The following CCSER1 variants were observed in gnomAD, a reference collection of about 807,000 sequenced individuals.
CCSER1 encodes coiled-coil serine rich protein 1.
Under a neutral mutation model 82.0 loss-of-function variants are expected in CCSER1, and 41 were observed. The observed-to-expected ratio is 0.50, with a 90% confidence interval of 0.39 to 0.65. CCSER1 has a LOEUF of 0.65. Ranked by LOEUF, CCSER1 falls within the 30% of genes least tolerant of loss-of-function variation. The pLI is 0.00. For missense variants in CCSER1, 1,119 were observed against 1,064.2 expected, an observed-to-expected ratio of 1.05 and a Z score of -0.72; for synonymous variants, 414 against 383.9, an observed-to-expected ratio of 1.08 and a Z score of -0.92.
At chr4:91,441,209 C>T (rs937786051) in intron 10 of CCSER1, among the ~76,000 whole-genome samples, 4 of 151,822 alleles carry the variant, frequency 2.6e-5, no homozygotes, top group African/African-American at 9.7e-5. Flanking sequence ...AACATTGATA[C>T]AAAAATCCTC....
chr4:90,188,675 C>T (rs903922371), intron 1 of CCSER1, among the ~76,000 whole-genome samples: 1 of 151,798 alleles, frequency 6.6e-6, no homozygotes, highest in South Asian at 2.1e-4. Flanking sequence ...TGAGAAATGC[C>T]ATGTGACTTA....
At position 90,309,253 on chromosome 4, in the gene CCSER1, A is replaced by G. The variant is rs543842455; in HGVS notation, c.969A>G (p.Lys323=). ...TVPCAIMSPG[K]YRLEGQCSTE... The stretch of plus-strand genomic sequence containing the variant: ...CCTGTGCAATTATGTCTCCTGGGAA[A>G]TATAGGTTAGAGGGTCAATGTAGCA... The change falls in exon 2 of 11, where the codon AAA becomes AAG. Residue 323 remains lysine, a synonymous_variant. Coordinates refer to ENST00000509176, the MANE Select transcript of CCSER1 (RefSeq NM_001145065.2). 6 of 1,613,918 alleles carry G rather than the reference A, an allele frequency of 3.7e-6. No individual in the cohort carries two copies. In the South Asian group the frequency reaches 6.6e-5, roughly 18 times the overall value.
chr4:90,483,624 A>T (rs531626020), intron 5 of CCSER1, among the ~76,000 whole-genome samples: 19 of 152,128 alleles, frequency 1.2e-4, no homozygotes, highest in Admixed American at 1.2e-3. Context: ...TTTCTCCTTC[A>T]CTTATGAAGC....
At chr4:90,256,620 T>A (rs1301472649) in intron 1 of CCSER1, among the ~76,000 whole-genome samples, 1 of 152,100 alleles carries the variant, frequency 6.6e-6, no homozygotes, top group Non-Finnish European at 1.5e-5. Flanking sequence ...TACATTAAGG[T>A]TGAGAAACTC....
chr4:91,030,703 A>T (rs1424436312), intron 9 of CCSER1, among the ~76,000 whole-genome samples: 1 of 152,112 alleles, frequency 6.6e-6, no homozygotes, highest in Admixed American at 6.6e-5. Context: ...ACAATGCAAA[A>T]ATGTATATAG....
At chr4:90,597,038 A>T in intron 5 of CCSER1, among the ~76,000 whole-genome samples, 1 of 152,008 alleles carries the variant, frequency 6.6e-6, no homozygotes, top group East Asian at 1.9e-4. Context: ...GTTAGTGCTA[A>T]TTCAATCTAT....
At chr4:91,313,170 A>AT (rs1745605672) in intron 10 of CCSER1, among the ~76,000 whole-genome samples, 1 of 151,980 alleles carries the variant, frequency 6.6e-6, no homozygotes, top group African/African-American at 2.4e-5. Flanking sequence ...TTCATAAGAC[A>AT]TTAAGTACTT....
chr4:90,335,630 A>T (rs1246346516), intron 3 of CCSER1, among the ~76,000 whole-genome samples: 1 of 152,138 alleles, frequency 6.6e-6, no homozygotes, highest in East Asian at 1.9e-4. Flanking sequence ...ATTGTCAGGG[A>T]TGGAAAATTT....
intron 10 of CCSER1, among the ~76,000 whole-genome samples, chr4:91,424,001 CTTT>C (rs1167472932): frequency 5.6e-3 from 436 of 77,416 alleles, no homozygotes; most frequent in African/African-American, 0.022. Context: ...CTCAGCAGAT[CTTT>C]TTTTTTTTTT....
At chr4:91,211,487 T>G (rs1184211388) in intron 10 of CCSER1, among the ~76,000 whole-genome samples, 1 of 152,086 alleles carries the variant, frequency 6.6e-6, no homozygotes, top group Non-Finnish European at 1.5e-5. Context: ...ACTGCAAAAG[T>G]GTTCTGAAAA....
intron 4 of CCSER1, among the ~76,000 whole-genome samples, chr4:90,452,227 G>A (rs1316418666): frequency 6.6e-6 from 1 of 152,092 alleles, no homozygotes; most frequent in Non-Finnish European, 1.5e-5. Flanking sequence ...GTCCTCTCCG[G>A]CTGCATAGGT....
At chr4:90,719,617 A>G (rs1742321067) in intron 6 of CCSER1, among the ~76,000 whole-genome samples, 1 of 152,152 alleles carries the variant, frequency 6.6e-6, no homozygotes, top group African/African-American at 2.4e-5. Context: ...AGGTTTTTGC[A>G]GAACATTCCT....
chr4:90,137,154 A>G (rs1466546841), intron 1 of CCSER1, among the ~76,000 whole-genome samples: 1 of 152,228 alleles, frequency 6.6e-6, no homozygotes, highest in African/African-American at 2.4e-5. Flanking sequence ...CAGAAGTCAG[A>G]ATGTGACTCC....
At chr4:90,848,593 G>A (rs904642252) in intron 8 of CCSER1, among the ~76,000 whole-genome samples, 1 of 152,000 alleles carries the variant, frequency 6.6e-6, no homozygotes, top group African/African-American at 2.4e-5. Flanking sequence ...ACTCATTTTA[G>A]TTACTCAGAA....
intron 6 of CCSER1, among the ~76,000 whole-genome samples, chr4:90,646,484 A>G (rs1415233481): frequency 1.3e-5 from 2 of 152,114 alleles, no homozygotes; most frequent in African/African-American, 2.4e-5. Flanking sequence ...GATGACATCT[A>G]TTGCTTCCTC....
intron 6 of CCSER1, among the ~76,000 whole-genome samples, chr4:90,686,088 A>C (rs1015611273): frequency 5.9e-5 from 9 of 152,146 alleles, no homozygotes; most frequent in Non-Finnish European, 1.0e-4. Context: ...AGTTCCCTTA[A>C]GAATTTATTT....
chr4:90,886,348 C>G (rs1436097025), intron 8 of CCSER1, among the ~76,000 whole-genome samples: 1 of 152,042 alleles, frequency 6.6e-6, no homozygotes, highest in Non-Finnish European at 1.5e-5. Flanking sequence ...TCAGTCTTTT[C>G]TTATCATGGA....
intron 1 of CCSER1, among the ~76,000 whole-genome samples, 158 bp downstream of exon 1, chr4:90,127,989 C>A (rs1472690968): frequency 6.6e-6 from 1 of 151,740 alleles, no homozygotes; most frequent in Non-Finnish European, 1.5e-5. Context: ...CCGGCGTGCT[C>A]GGCGCAGAGA....
chr4:91,105,444 GC>G (rs1725517363), intron 10 of CCSER1, among the ~76,000 whole-genome samples: 1 of 151,864 alleles, frequency 6.6e-6, no homozygotes, highest in African/African-American at 2.4e-5. Flanking sequence ...AGTGGCTCAT[GC>G]CTGTAATCCC....
Sources: gnomAD v4.1 joint callset for allele counts (sites outside exome capture counted in the v4.1 genomes callset) on GRCh38, gnomAD v4.1.1 for gene constraint, MANE v1.5 for transcripts, NCBI Gene and HGNC (gene_info 2026-07-23, HGNC 2026-07-21) for gene names.